The following SAMMSON variants were observed in gnomAD, a reference collection of about 807,000 sequenced individuals.
The protein encoded by SAMMSON is long intergenic non-protein coding RNA 1212.
chr3:70,044,602 AT>A (rs1321679167), intron 3 of SAMMSON, among the ~76,000 whole-genome samples: 1 of 152,034 alleles, frequency 6.6e-6, no homozygotes, highest in Non-Finnish European at 1.5e-5. Flanking sequence ...GAAGATACGG[AT>A]TGGTGTCTGG....
intron 9 of SAMMSON, among the ~76,000 whole-genome samples, chr3:70,365,468 C>T (rs1365924354): frequency 6.6e-6 from 1 of 151,672 alleles, no homozygotes; most frequent in East Asian, 1.9e-4. Flanking sequence ...TGAATTTATT[C>T]TAATGTACCA....
At chr3:70,063,993 C>T (rs2067200479) in intron 3 of SAMMSON, among the ~76,000 whole-genome samples, 2 of 152,122 alleles carry the variant, frequency 1.3e-5, no homozygotes, top group Admixed American at 6.6e-5. Flanking sequence ...TCCTATTGCA[C>T]TTCTTGTCTG....
intron 7 of SAMMSON, among the ~76,000 whole-genome samples, chr3:70,303,597 G>A (rs867384624): frequency 2.0e-5 from 3 of 152,088 alleles, no homozygotes; most frequent in Admixed American, 2.0e-4. Flanking sequence ...ATCAGTATAT[G>A]TTATTTTCCT....
intron 3 of SAMMSON, among the ~76,000 whole-genome samples, chr3:70,036,391 G>C (rs1340175143): frequency 1.3e-5 from 2 of 152,090 alleles, no homozygotes; most frequent in African/African-American, 4.8e-5. Context: ...CTCCCCCACT[G>C]TCTGCTCACA....
chr3:70,376,683 TCCAGAG>T (rs1328805678), intron 9 of SAMMSON, among the ~76,000 whole-genome samples: 1 of 152,104 alleles, frequency 6.6e-6, no homozygotes, highest in Non-Finnish European at 1.5e-5. Context: ...ACTTTTCTCA[TCCAGAG>T]CCAGGCTCTG....
chr3:70,431,271 G>A (rs1037766036), intron 2 of SAMMSON, among the ~76,000 whole-genome samples: 2 of 151,994 alleles, frequency 1.3e-5, no homozygotes, highest in Non-Finnish European at 2.9e-5. Context: ...GATAATAATA[G>A]TGGTAAAAAT....
In SAMMSON at chr3:70,409,560, A is replaced by C. The variant is rs190358980; in HGVS notation, n.233+51236A>C. On this transcript the variant is annotated intron_variant and non_coding_transcript_variant, in intron 2 of 3. Coordinates refer to the SAMMSON transcript ENST00000641053. ...TATTTTGGTTGCAACACTGGCTCCA[A>C]GTAATTATAAGGCCTTATCCATGTC... Among the ~76,000 whole-genome samples the C allele has an allele frequency of 5.3e-5, 8 of 152,206 alleles. No individual in the cohort carries two copies. In the East Asian group the frequency reaches 1.6e-3, roughly 29 times the overall value.
upstream of SAMMSON, chr3:69,999,740 C>T (rs562407531): frequency 2.0e-5 from 3 of 152,482 alleles, no homozygotes; most frequent in Non-Finnish European, 4.4e-5. Flanking sequence ...AGCGGGCAGA[C>T]ACACTGAAGT....
intron 2 of SAMMSON, among the ~76,000 whole-genome samples, chr3:70,407,555 C>A (rs1701186288): frequency 1.3e-5 from 2 of 152,198 alleles, no homozygotes; most frequent in South Asian, 4.1e-4. Context: ...AATTTTAAAG[C>A]TTCAAAATGA....
At chr3:70,032,315 GA>G (rs1333299603) in intron 3 of SAMMSON, among the ~76,000 whole-genome samples, 7 of 151,732 alleles carry the variant, frequency 4.6e-5, no homozygotes, top group African/African-American at 9.7e-5. Context: ...GTCTGGAATA[GA>G]AAAAAAATAG....
intron 4 of SAMMSON, among the ~76,000 whole-genome samples, chr3:70,211,206 C>T (rs1039783536): frequency 6.6e-6 from 1 of 150,616 alleles, no homozygotes; most frequent in Non-Finnish European, 1.5e-5. Flanking sequence ...TTCCTTTCCC[C>T]CTTCCTTTCA....
At chr3:70,174,404 G>A (rs1700994004) in intron 4 of SAMMSON, among the ~76,000 whole-genome samples, 1 of 151,960 alleles carries the variant, frequency 6.6e-6, no homozygotes, top group Admixed American at 6.6e-5. Flanking sequence ...TGAAGCAGTT[G>A]TATCTAAAAT....
At chr3:70,134,259 CA>C (rs71126480) in intron 4 of SAMMSON, among the ~76,000 whole-genome samples, 6,332 of 131,998 alleles carry the variant, frequency 0.048, 256 homozygotes, top group East Asian at 0.19. Flanking sequence ...GATTCCATCT[CA>C]AAAAAAAAAA....
rs531813972 is a variant in SAMMSON at position 70,315,380 on chromosome 3, A to C, written n.739+24137A>C. Among the ~76,000 whole-genome samples the C allele has an allele frequency of 1.3e-4, 20 of 152,280 alleles. No homozygotes were observed. The South Asian group carries it at 4.1e-3, about 32-fold the overall frequency. ...TATAGAATTTTCTTGCATTCTGAAC[A>C]GCAACATTTTTCAAAGTTAGACAAA... On this transcript the variant is annotated intron_variant and non_coding_transcript_variant, in intron 7 of 9. Transcript: ENST00000642114.
chr3:70,302,668 T>C (rs978425760), intron 7 of SAMMSON: 2 of 152,176 alleles, frequency 1.3e-5, no homozygotes, highest in African/African-American at 2.4e-5. Flanking sequence ...TGTTACTTCA[T>C]AAAACTGCAA....
At chr3:70,271,428 A>G (rs552478032) in intron 6 of SAMMSON, among the ~76,000 whole-genome samples, 73 of 152,216 alleles carry the variant, frequency 4.8e-4, no homozygotes, top group Non-Finnish European at 8.1e-4. Flanking sequence ...CAGATTCAGT[A>G]TCATCAAATC....
At chr3:70,288,702 T>C in intron 6 of SAMMSON, among the ~76,000 whole-genome samples, 1 of 151,916 alleles carries the variant, frequency 6.6e-6, no homozygotes, top group Non-Finnish European at 1.5e-5. Flanking sequence ...CTAAGTCTCT[T>C]TGTAGGTCAC....
intron 4 of SAMMSON, among the ~76,000 whole-genome samples, chr3:70,147,371 GA>G (rs1347533317): frequency 2.6e-5 from 4 of 151,812 alleles, no homozygotes; most frequent in African/African-American, 7.2e-5. Context: ...AATCAATTTT[GA>G]AAAAAGAATA....
intron 4 of SAMMSON, among the ~76,000 whole-genome samples, chr3:70,104,631 CT>C (rs1462407326): frequency 2.0e-5 from 3 of 152,104 alleles, no homozygotes; most frequent in Non-Finnish European, 4.4e-5. Flanking sequence ...GTGCCAGGAG[CT>C]TAAAACTATT....
Sources: gnomAD v4.1 joint callset for allele counts (sites outside exome capture counted in the v4.1 genomes callset) on GRCh38, gnomAD v4.1.1 for gene constraint, MANE v1.5 for transcripts, NCBI Gene and HGNC (gene_info 2026-07-23, HGNC 2026-07-21) for gene names.